ADGRL3: variants seen among roughly 807,000 people sequenced by gnomAD.
ADGRL3 encodes the protein adhesion G protein-coupled receptor L3.
In ADGRL3, 62 loss-of-function variants were observed where a neutral mutation model predicts 153.5. That is an observed-to-expected ratio of 0.40 (90% CI 0.33 to 0.50). ADGRL3 has a LOEUF of 0.50. Among genes scored for constraint, ADGRL3 ranks in the 20% least tolerant of loss-of-function variants. ADGRL3 has a pLI of 0.47. For synonymous variants in ADGRL3, 710 were observed against 672.5 expected, an observed-to-expected ratio of 1.06 and a Z score of -0.86; for missense variants, 1,641 against 1,859.4, an observed-to-expected ratio of 0.88 and a Z score of 2.16.
Position 61,767,741 on chromosome 4 carries a change from C to T in ADGRL3, c.1399+34187C>T, listed in dbSNP as rs556479440. ...TTCCTTGGCCCAGTGGCCAGATTTC[C>T]GGCATGTGTAGCAAGTTCCTGGGGG... is the stretch of plus-strand genomic sequence containing the variant. On this transcript the variant is annotated intron_variant, in intron 8 of 26. Transcript: ENST00000683033. Among the ~76,000 whole-genome samples, 18 of 152,220 alleles carry T rather than the reference C, an allele frequency of 1.2e-4. No homozygotes were observed. In the East Asian group the frequency reaches 2.3e-3, roughly 20 times the overall value.
intron 6 of ADGRL3, among the ~76,000 whole-genome samples, chr4:61,702,637 G>A (rs1020119573): frequency 2.0e-5 from 3 of 152,020 alleles, no homozygotes; most frequent in Non-Finnish European, 4.4e-5. Flanking sequence ...TAATATTAAA[G>A]TGATCAGTGT....
intron 1 of ADGRL3, among the ~76,000 whole-genome samples, chr4:61,230,961 G>A (rs1228595234): frequency 1.3e-5 from 2 of 152,190 alleles, no homozygotes; most frequent in East Asian, 1.9e-4. Flanking sequence ...TCCCGTGCAA[G>A]CATCTAGTCC....
intron 1 of ADGRL3, among the ~76,000 whole-genome samples, chr4:61,380,208 T>TTG (rs1344930998): frequency 6.6e-6 from 1 of 151,412 alleles, no homozygotes. Flanking sequence ...GTGTGTGTGT[T>TTG]TGTGTGTGTG....
chr4:61,621,816 A>G (rs888833460), intron 5 of ADGRL3, among the ~76,000 whole-genome samples: 1 of 152,316 alleles, frequency 6.6e-6, no homozygotes, highest in Admixed American at 6.5e-5. Flanking sequence ...GAAATTTAAA[A>G]TTAAAGAAGA....
At chr4:61,503,203 T>C (rs1310020153) in intron 3 of ADGRL3, among the ~76,000 whole-genome samples, 1 of 152,132 alleles carries the variant, frequency 6.6e-6, no homozygotes. Context: ...AGGTTGGCAA[T>C]TGGAAAATAA....
chr4:61,458,430 C>A (rs1475017139), intron 2 of ADGRL3, among the ~76,000 whole-genome samples: 7 of 150,718 alleles, frequency 4.6e-5, no homozygotes, highest in Non-Finnish European at 1.0e-4. Context: ...AATTTTAGGA[C>A]CAGAAGTAAC....
intron 1 of ADGRL3, among the ~76,000 whole-genome samples, chr4:61,236,800 C>T (rs573978033): frequency 1.3e-5 from 2 of 152,112 alleles, no homozygotes; most frequent in African/African-American, 2.4e-5. Flanking sequence ...TTCGATAAAG[C>T]GAATTAGAGC....
chr4:61,435,922 G>T lies in ADGRL3; in HGVS notation c.-174+52733G>T, dbSNP rs77480016. 4.4e-3 allele frequency among the ~76,000 whole-genome samples: 674 copies of T among 151,908 alleles called. 13 individuals are homozygous for T. The East Asian group carries it at 0.059, about 13-fold the overall frequency. Reference sequence around the variant, plus strand: ...TAGTATTTCTACTGAACATTTATTGGTGATCATTTTTGTAGTAGTCACATT... The same window carrying T: ...TAGTATTTCTACTGAACATTTATTGTTGATCATTTTTGTAGTAGTCACATT... On this transcript the variant is annotated intron_variant, in intron 2 of 26. Transcript: ENST00000683033.
intron 17 of ADGRL3, among the ~76,000 whole-genome samples, chr4:61,974,297 A>G (rs1297875666): frequency 2.0e-5 from 3 of 152,154 alleles, no homozygotes; most frequent in Non-Finnish European, 4.4e-5. Context: ...GCCTTAATTT[A>G]TAAGTACCAC....
chr4:61,622,310 A>T (rs1461715982), intron 5 of ADGRL3, among the ~76,000 whole-genome samples: 6 of 152,140 alleles, frequency 3.9e-5, no homozygotes, highest in Admixed American at 2.6e-4. Context: ...ACCAATATTG[A>T]CATTATATCT....
chr4:61,763,137 T>G (rs145269276), intron 8 of ADGRL3, among the ~76,000 whole-genome samples: 177 of 152,250 alleles, frequency 1.2e-3, no homozygotes, highest in African/African-American at 3.9e-3. Context: ...TTTTTTTTCT[T>G]TACTCTTTTT....
At chr4:61,688,626 A>T (rs2095487953) in intron 6 of ADGRL3, among the ~76,000 whole-genome samples, 1 of 152,170 alleles carries the variant, frequency 6.6e-6, no homozygotes, top group Non-Finnish European at 1.5e-5. Flanking sequence ...ATGTCTTCTG[A>T]TAATCAGTGC....
At position 61,350,094 on chromosome 4, in the gene ADGRL3, GT is replaced by G. The variant is rs750570670; in HGVS notation, c.-239-33029del. ...ATATTGAACACTTACTAAGGACTAGGTGATGTAGATGATATTGTAGATTGAA... is the reference window on the plus strand; with the variant it reads ...ATATTGAACACTTACTAAGGACTAGGGATGTAGATGATATTGTAGATTGAA... On this transcript the variant is annotated intron_variant, in intron 1 of 26. Transcript: ENST00000683033. 9.6e-4 allele frequency among the ~76,000 whole-genome samples: 146 copies of G among 152,074 alleles called. 1 individual carries two copies. The highest frequency in any genetic ancestry group is 1.6e-3 in the Non-Finnish European group (109 of 67,996).
chr4:61,973,990 C>T (rs374186624), intron 17 of ADGRL3, among the ~76,000 whole-genome samples: 2 of 152,122 alleles, frequency 1.3e-5, no homozygotes, highest in East Asian at 1.9e-4. Flanking sequence ...TTCTCCCAGA[C>T]AAGGTCTGGG....
chr4:61,780,114 T>C (rs2097197694), intron 8 of ADGRL3, among the ~76,000 whole-genome samples: 1 of 152,240 alleles, frequency 6.6e-6, no homozygotes, highest in African/African-American at 2.4e-5. Context: ...AATATATATA[T>C]ACTACCTTCC....
intron 6 of ADGRL3, among the ~76,000 whole-genome samples, chr4:61,696,788 G>T (rs1004560506): frequency 1.0e-4 from 15 of 144,940 alleles, no homozygotes; most frequent in African/African-American, 3.9e-4. Flanking sequence ...CAATTATCCT[G>T]CCTCAGCCTC....
chr4:61,914,680 A>G (rs2098737221), intron 13 of ADGRL3, among the ~76,000 whole-genome samples: 1 of 152,104 alleles, frequency 6.6e-6, no homozygotes, highest in African/African-American at 2.4e-5. Flanking sequence ...TGCCTTTCCA[A>G]TGATCTGAAT....
At chr4:61,876,287 TG>T (rs71992093) in intron 9 of ADGRL3, among the ~76,000 whole-genome samples, 81,137 of 126,808 alleles carry the variant, frequency 0.64, 22,178 homozygotes, top group Admixed American at 0.67. Flanking sequence ...TATCCAATTT[TG>T]TTTTTTTTTT....
At position 61,249,115 on chromosome 4, in the gene ADGRL3, T is replaced by C. The variant is rs533854413; in HGVS notation, c.-240+47350T>C. Among the ~76,000 whole-genome samples, 4 of 152,308 alleles carry C rather than the reference T, an allele frequency of 2.6e-5. No homozygotes were observed. The South Asian group carries it at 8.3e-4, about 32-fold the overall frequency. ...CGTGTCTATCTTTAAATTCATGCAT[T>C]CAGTCTGGAAATGAAGTACGGGTTT... On this transcript the variant is annotated intron_variant, in intron 1 of 26. Coordinates refer to ENST00000683033, the MANE Select transcript of ADGRL3 (RefSeq NM_001387552.1).
Sources: gnomAD v4.1 joint callset for allele counts (sites outside exome capture counted in the v4.1 genomes callset) on GRCh38, gnomAD v4.1.1 for gene constraint, MANE v1.5 for transcripts, NCBI Gene and HGNC (gene_info 2026-07-23, HGNC 2026-07-21) for gene names.